MYT1L: variants seen among roughly 807,000 people sequenced by gnomAD.
MYT1L encodes the protein myelin transcription factor 1-like protein.
MYT1L carries 12 observed loss-of-function variants against 126.7 expected under a neutral mutation model. The observed-to-expected ratio is 0.09, with a 90% CI of 0.06 to 0.15. The LOEUF (loss-of-function observed/expected upper bound fraction) is 0.15. Ranked by LOEUF, MYT1L falls within the 10% of genes least tolerant of loss-of-function variation. MYT1L has a pLI of 1.00. For missense variants in MYT1L, 979 were observed against 1,585.2 expected (o/e 0.62, Z 6.49); for synonymous variants, 541 against 604.2 (o/e 0.90, Z 1.53).
In MYT1L at chr2:1,831,665, C is replaced by T. The variant is rs116602243; in HGVS notation, c.3080+7484G>A. Among the ~76,000 whole-genome samples the T allele has an allele frequency of 4.1e-3, 624 of 152,324 alleles. 2 individuals carry two copies. The highest frequency in any genetic ancestry group is 7.8e-3 in the African/African-American group (326 of 41,580). On this transcript the variant is annotated intron_variant, in intron 21 of 24. Coordinates refer to ENST00000647738, the MANE Select transcript of MYT1L (RefSeq NM_001303052.2). ...GAGCCCAGCATCGTTTTGAACTCTC[C>T]GCCACACCGGCCTCTCGCCACTTTC...
Position 1,889,130 on chromosome 2 carries a change from T to G in MYT1L, c.2520+111A>C. The G allele has an allele frequency of 2.5e-6, 2 of 814,298 alleles. No homozygotes were observed. The highest frequency in any genetic ancestry group is 3.8e-6 in the Non-Finnish European group (2 of 527,864). 50.4% of individuals were successfully genotyped at this position (814,298 alleles called of 1,614,324 possible). On this transcript the variant is annotated intron_variant, in intron 16 of 24. Transcript: ENST00000647738. This position sits in a 1 kb window ranked among gnomAD's most constrained non-coding sequence, Gnocchi z 4.1. ...AAGTCCTCCTCAGCTAAAGGTCATATTTAAAGAGAAAATATATTTTCTCAT... is the reference window on the plus strand; with the variant it reads ...AAGTCCTCCTCAGCTAAAGGTCATAGTTAAAGAGAAAATATATTTTCTCAT...
chr2:2,275,549 C>T (rs774022623), intron 2 of MYT1L, among the ~76,000 whole-genome samples: 18 of 151,998 alleles, frequency 1.2e-4, no homozygotes, highest in Admixed American at 3.3e-4. Flanking sequence ...TCCTAGAGGT[C>T]GTATCGCACC....
chr2:1,844,862 C>T (rs1392506258), intron 19 of MYT1L, among the ~76,000 whole-genome samples: 7 of 152,148 alleles, frequency 4.6e-5, no homozygotes, highest in Admixed American at 2.6e-4. Context: ...AGGCCCTTCC[C>T]GAGCCCTGGA....
At chr2:1,859,481 AT>A (rs1477679700) in intron 18 of MYT1L, among the ~76,000 whole-genome samples, 1 of 152,226 alleles carries the variant, frequency 6.6e-6, no homozygotes, top group Middle Eastern at 3.2e-3. Context: ...CATCATGCAA[AT>A]GAAACACCAA....
chr2:1,820,573 G>T (rs1241817377), intron 21 of MYT1L, among the ~76,000 whole-genome samples: 1 of 152,038 alleles, frequency 6.6e-6, no homozygotes, highest in Non-Finnish European at 1.5e-5. Flanking sequence ...TTGAGACAGG[G>T]TTTTGCTGTT....
intron 3 of MYT1L, among the ~76,000 whole-genome samples, chr2:2,163,942 T>C (rs1412614122): frequency 4.6e-5 from 7 of 152,030 alleles, no homozygotes; most frequent in African/African-American, 1.7e-4. Flanking sequence ...AGAGAAATAA[T>C]TTTTTTCCTC....
intron 3 of MYT1L, among the ~76,000 whole-genome samples, chr2:2,103,898 G>A (rs149498742): frequency 8.9e-4 from 135 of 152,302 alleles, no homozygotes; most frequent in African/African-American, 3.1e-3. Flanking sequence ...TATAGAAAAC[G>A]GTTTCTCCAC....
intron 21 of MYT1L, among the ~76,000 whole-genome samples, chr2:1,830,157 C>T (rs2039939963): frequency 6.6e-6 from 1 of 152,114 alleles, no homozygotes; most frequent in Non-Finnish European, 1.5e-5. Flanking sequence ...TCACCAAGAT[C>T]ATCACAGGGA....
intron 18 of MYT1L, among the ~76,000 whole-genome samples, chr2:1,882,256 C>T (rs149199539): frequency 1.5e-4 from 23 of 152,226 alleles, no homozygotes; most frequent in African/African-American, 5.1e-4. Flanking sequence ...CCCCAGTGGA[C>T]GCTATGCACG....
intron 3 of MYT1L, among the ~76,000 whole-genome samples, chr2:2,115,842 G>GCCTCAACATT: frequency 3.3e-5 from 5 of 151,714 alleles, no homozygotes; most frequent in African/African-American, 1.2e-4. Context: ...AACAGGACGA[G>GCCTCAACATT]CCTGCTGTGC....
At chr2:1,838,922 C>T (rs2041260090) in intron 21 of MYT1L, among the ~76,000 whole-genome samples, 2 of 152,212 alleles carry the variant, frequency 1.3e-5, no homozygotes, top group Non-Finnish European at 2.9e-5. Context: ...CTGTGGTCAT[C>T]TATAGATGGG....
intron 3 of MYT1L, among the ~76,000 whole-genome samples, chr2:2,085,091 T>C (rs1472044732): frequency 6.6e-6 from 1 of 152,138 alleles, no homozygotes; most frequent in Non-Finnish European, 1.5e-5. Context: ...TGCCCTCTCA[T>C]GGTGAAACTC....
At chr2:2,116,748 C>T (rs1296821397) in intron 3 of MYT1L, among the ~76,000 whole-genome samples, 1 of 152,238 alleles carries the variant, frequency 6.6e-6, no homozygotes. Context: ...GACCATTGAC[C>T]ACCTTAGGAC....
intron 2 of MYT1L, among the ~76,000 whole-genome samples, chr2:2,250,683 C>G (rs917282125): frequency 6.6e-6 from 1 of 151,792 alleles, no homozygotes; most frequent in Middle Eastern, 3.2e-3. Flanking sequence ...GTTTGTAACA[C>G]AAAGAATGCT....
At chr2:2,177,369 T>A (rs576123616) in intron 2 of MYT1L, among the ~76,000 whole-genome samples, 1 of 152,314 alleles carries the variant, frequency 6.6e-6, no homozygotes, top group South Asian at 2.1e-4. Flanking sequence ...TTGTGGTAAA[T>A]AGGCAATCTA....
At chr2:2,052,973 T>C (rs762240368) in intron 4 of MYT1L, among the ~76,000 whole-genome samples, 1 of 152,142 alleles carries the variant, frequency 6.6e-6, no homozygotes. Context: ...GACTCAGATA[T>C]ATATTTCTAC....
Position 2,228,066 on chromosome 2 carries a change from C to G in MYT1L, c.-420-55078G>C, listed in dbSNP as rs932311767. The stretch of plus-strand genomic sequence containing the variant: ...GTAGCTCATAACGGCTAGTAAATGC[C>G]TAGGGTTGAATATAAGTTTGTTGAT... On this transcript the variant is annotated intron_variant, in intron 2 of 24. Coordinates refer to ENST00000647738, the MANE Select transcript of MYT1L (RefSeq NM_001303052.2). The surrounding 1 kb of genome is among the most constrained non-coding windows in gnomAD (Gnocchi z 5.9). Among the ~76,000 whole-genome samples the G allele has an allele frequency of 2.0e-5, 3 of 152,130 alleles. No individual in the cohort carries two copies. The highest frequency in any genetic ancestry group is 4.4e-5 in the Non-Finnish European group (3 of 68,014).
chr2:1,845,260 T>C (rs1011222409), intron 19 of MYT1L, among the ~76,000 whole-genome samples: 1 of 152,052 alleles, frequency 6.6e-6, no homozygotes, highest in Non-Finnish European at 1.5e-5. Flanking sequence ...AGGCGTGAGC[T>C]ACCACCGCAC....
intron 4 of MYT1L, among the ~76,000 whole-genome samples, chr2:2,015,136 G>C (rs1050027536): frequency 1.3e-5 from 2 of 152,082 alleles, no homozygotes; most frequent in Non-Finnish European, 2.9e-5. Context: ...GCTCGACCAC[G>C]CGGGTTTTAC....
Sources: allele counts gnomAD v4.1 joint callset (sites outside exome capture counted in the v4.1 genomes callset), GRCh38; gene constraint gnomAD v4.1.1; non-coding constraint Gnocchi (gnomAD v3.1); transcripts MANE v1.5; gene names NCBI Gene and HGNC (gene_info 2026-07-23, HGNC 2026-07-21).